Variants in PBX1 observed in about 807,000 individuals in gnomAD.
The protein encoded by PBX1 is PBX homeobox 1, also known as pre-B-cell leukemia transcription factor 1.
Under a neutral mutation model 53.4 loss-of-function variants are expected in PBX1, and 6 were observed. The ratio of observed to expected loss-of-function variants is 0.11; its 90% CI spans 0.06 to 0.22. The LOEUF is 0.22. Ranked by LOEUF, PBX1 falls within the 10% of genes least tolerant of loss-of-function variation. The pLI is 1.00. For synonymous variants in PBX1, 204 were observed against 212.3 expected, an observed-to-expected ratio of 0.96 and a Z score of 0.34; for missense variants, 251 against 551.4, an observed-to-expected ratio of 0.46 and a Z score of 5.46.
chr1:164,589,906 C>T (rs543325645), intron 2 of PBX1, among the ~76,000 whole-genome samples: 6 of 152,216 alleles, frequency 3.9e-5, no homozygotes, highest in Non-Finnish European at 7.4e-5. Flanking sequence ...CGGAGCCTCC[C>T]GTAAAAAGGC....
chr1:164,645,235 T>C (rs1012095420), intron 2 of PBX1, among the ~76,000 whole-genome samples: 15 of 152,214 alleles, frequency 9.9e-5, no homozygotes, highest in Non-Finnish European at 1.8e-4. Flanking sequence ...CAGTACAGGA[T>C]TCCCCCCCTT....
chr1:164,878,872 G>C (rs1672576124), intron 2 of PBX1, among the ~76,000 whole-genome samples: 1 of 152,198 alleles, frequency 6.6e-6, no homozygotes, highest in Non-Finnish European at 1.5e-5. Flanking sequence ...TTAACTATGA[G>C]ACAGTCAAAG....
chr1:164,763,130 G>A (rs1049230117), intron 2 of PBX1, among the ~76,000 whole-genome samples: 7 of 152,296 alleles, frequency 4.6e-5, no homozygotes, highest in African/African-American at 1.4e-4. Context: ...ATTAGGATTA[G>A]GTTCAAATGT....
intron 6 of PBX1, chr1:164,816,672 T>C (rs1669894034): frequency 1.3e-5 from 2 of 152,088 alleles, no homozygotes; most frequent in African/African-American, 4.8e-5. Context: ...ATAACCATTG[T>C]AGGGCTAACC....
chr1:164,778,724 G>T lies in PBX1; in HGVS notation c.266-13770G>T, dbSNP rs565636779. On this transcript the variant is annotated intron_variant, in intron 2 of 8. Coordinates refer to ENST00000420696, the MANE Select transcript of PBX1 (RefSeq NM_002585.4). ...TAGTAGTTTTTCTTGGTTTAGGCTA[G>T]TTCAGGAAAACAGAAATGAAATTCT... 1.4e-4 allele frequency among the ~76,000 whole-genome samples: 22 copies of T among 152,224 alleles called. No homozygotes were observed. In the South Asian group the frequency reaches 4.2e-3, roughly 29 times the overall value.
At chr1:164,720,626 C>T (rs944690025) in intron 2 of PBX1, among the ~76,000 whole-genome samples, 4 of 152,214 alleles carry the variant, frequency 2.6e-5, no homozygotes, top group Non-Finnish European at 5.9e-5. Context: ...CTCAGGCTAA[C>T]ATCTGCTGAC....
Position 164,847,109 on chromosome 1 carries a change from G to T in PBX1, c.*433G>T. The T allele has an allele frequency of 9.1e-7, 1 of 1,098,346 alleles. No homozygotes were observed. The highest frequency in any genetic ancestry group is 4.5e-5 in the Admixed American group (1 of 22,446). 68.0% of individuals were successfully genotyped at this position (1,098,346 alleles called of 1,614,324 possible). A position where few individuals can be genotyped will look rare whatever the true frequency, so the allele number is the denominator to read the frequency against. Reference sequence around the variant, plus strand: ...TTGAGGAGCCAAATTTACCTCACTCGAATCCCTCACTCCCTATGTTAACAG... The same window carrying T: ...TTGAGGAGCCAAATTTACCTCACTCTAATCCCTCACTCCCTATGTTAACAG... On this transcript the variant is annotated 3_prime_UTR_variant, in exon 9 of 9. Transcript: ENST00000420696.
intron 2 of PBX1, 62 bp from the exon 3 acceptor site, chr1:164,792,432 T>A: frequency 6.3e-7 from 1 of 1,590,956 alleles, no homozygotes. Flanking sequence ...ACAAATGTGT[T>A]GTGTTTTTTA....
intron 2 of PBX1, among the ~76,000 whole-genome samples, chr1:164,870,303 T>TTCTTTCTTTCTTTCTCTCTC: frequency 1.5e-5 from 1 of 67,560 alleles, no homozygotes; most frequent in Non-Finnish European, 3.0e-5. Flanking sequence ...CTTTCTTTCT[T>TTCTTTCTTTCTTTCTCTCTC]TCTTTCTTTC....
Position 164,846,695 on chromosome 1 carries a change from C to G in PBX1, c.*19C>G, listed in dbSNP as rs760736024. The G allele has an allele frequency of 6.2e-7, 1 of 1,614,058 alleles. No homozygotes were observed. The highest frequency in any genetic ancestry group is 8.5e-7 in the Non-Finnish European group (1 of 1,179,956). On this transcript the variant is annotated 3_prime_UTR_variant, in exon 9 of 9. Coordinates refer to ENST00000420696, the MANE Select transcript of PBX1 (RefSeq NM_002585.4). ...CAACTGATCTCCCAGCAATCGCATC[C>G]CGGCTGACCCTGTGCCCCAGTTGGG...
intron 2 of PBX1, among the ~76,000 whole-genome samples, chr1:164,781,218 G>T (rs752589026): frequency 6.6e-6 from 1 of 152,118 alleles, no homozygotes; most frequent in African/African-American, 2.4e-5. Flanking sequence ...GCTAATTGGC[G>T]TGTGTTTTGA....
chr1:164,786,720 T>TGTGTGTGCGCGCGCGC (rs1357886882), intron 2 of PBX1, among the ~76,000 whole-genome samples: 22 of 116,292 alleles, frequency 1.9e-4, no homozygotes, highest in East Asian at 5.3e-4. Context: ...TGTGTGTGTG[T>TGTGTGTGCGCGCGCGC]GCGCGCGCAC....
chr1:164,629,209 TGATA>T (rs762995095), intron 2 of PBX1, among the ~76,000 whole-genome samples: 2 of 152,102 alleles, frequency 1.3e-5, no homozygotes, highest in Non-Finnish European at 2.9e-5. Context: ...GGAAAGAAGC[TGATA>T]CTCATGATCT....
At chr1:164,822,873 A>G (rs1027244505) in intron 8 of PBX1, among the ~76,000 whole-genome samples, 1 of 152,188 alleles carries the variant, frequency 6.6e-6, no homozygotes, top group Non-Finnish European at 1.5e-5. Flanking sequence ...GAGTCCTCCA[A>G]AGAAGGGGTT....
intron 2 of PBX1, among the ~76,000 whole-genome samples, chr1:164,574,095 G>A (rs1654055901): frequency 6.6e-6 from 1 of 152,166 alleles, no homozygotes; most frequent in Non-Finnish European, 1.5e-5. Context: ...GGTCACTGCT[G>A]GAAGCCGGGA....
At chr1:164,650,944 G>C (rs1191399708) in intron 2 of PBX1, among the ~76,000 whole-genome samples, 1 of 140,208 alleles carries the variant, frequency 7.1e-6, no homozygotes, top group Non-Finnish European at 1.5e-5. Context: ...TTGAAAATGG[G>C]GGGAATGATG....
intron 2 of PBX1, among the ~76,000 whole-genome samples, chr1:164,735,975 T>G (rs753227759): frequency 6.6e-5 from 10 of 151,826 alleles, no homozygotes; most frequent in Non-Finnish European, 1.3e-4. Context: ...TGCTCAGGAG[T>G]CATTGTGGCT....
At chr1:164,729,033 T>C (rs1389927964) in intron 2 of PBX1, among the ~76,000 whole-genome samples, 1 of 152,234 alleles carries the variant, frequency 6.6e-6, no homozygotes, top group African/African-American at 2.4e-5. Flanking sequence ...TCTGTTCAAC[T>C]TGCAATAGCC....
At chr1:164,844,104 T>C (rs12756539) in intron 8 of PBX1, among the ~76,000 whole-genome samples, 98 of 132,854 alleles carry the variant, frequency 7.4e-4, no homozygotes, top group African/African-American at 2.9e-3. Flanking sequence ...TTTTTCTTTC[T>C]TTCTTTCTTT....
Sources: gnomAD v4.1 joint callset for allele counts (sites outside exome capture counted in the v4.1 genomes callset) on GRCh38, gnomAD v4.1.1 for gene constraint, MANE v1.5 for transcripts, NCBI Gene and HGNC (gene_info 2026-07-23, HGNC 2026-07-21) for gene names.